Variants in DOCK3 observed in about 807,000 individuals in gnomAD.
DOCK3 encodes the protein dedicator of cytokinesis 3.
A neutral mutation model predicts 265.6 loss-of-function variants in DOCK3; 60 were observed. That is an observed-to-expected ratio of 0.23 (90% CI 0.18 to 0.28). DOCK3 has a LOEUF of 0.28. Ranked by LOEUF, DOCK3 falls within the 10% of genes least tolerant of loss-of-function variation. DOCK3 has a pLI of 1.00. For missense variants in DOCK3, 1,981 were observed against 2,594.3 expected, an observed-to-expected ratio of 0.76 and a Z score of 5.14; for synonymous variants, 881 against 938.0, an observed-to-expected ratio of 0.94 and a Z score of 1.11.
At chr3:51,077,199 T>A (rs562975885) in intron 7 of DOCK3, among the ~76,000 whole-genome samples, 14 of 152,252 alleles carry the variant, frequency 9.2e-5, no homozygotes, top group African/African-American at 3.4e-4. Context: ...TGATGATCAA[T>A]TAGATATGGA....
intron 1 of DOCK3, among the ~76,000 whole-genome samples, chr3:50,682,659 C>T (rs1441226249): frequency 2.6e-5 from 4 of 152,210 alleles, no homozygotes; most frequent in African/African-American, 4.8e-5. Context: ...CTTATTTGGG[C>T]CAGGCACAGT....
chr3:51,053,980 C>G (rs2081102468), intron 5 of DOCK3, among the ~76,000 whole-genome samples: 1 of 151,832 alleles, frequency 6.6e-6, no homozygotes. Context: ...CCTGCATGGA[C>G]TCTGCCACCT....
intron 23 of DOCK3, among the ~76,000 whole-genome samples, chr3:51,267,661 C>T (rs1452254709): frequency 6.6e-6 from 1 of 152,178 alleles, no homozygotes; most frequent in African/African-American, 2.4e-5. Context: ...GCTGGGATTA[C>T]ACGCATGAGC....
rs2045361852 is a variant in DOCK3 at position 50,834,103 on chromosome 3, T to C, written c.122-7572T>C. ...CTCTTCTGCTTGATATTCATGAACA[T>C]TTCAGCTCTCCAGGAGAGTCCTGAA... On this transcript the variant is annotated intron_variant, in intron 2 of 52. Transcript: ENST00000266037. Among the ~76,000 whole-genome samples, 4 of 151,858 alleles carry C rather than the reference T, an allele frequency of 2.6e-5. 1 individual carries two copies. In the South Asian group the frequency reaches 8.3e-4, roughly 31 times the overall value.
chr3:51,247,229 T>G (rs965595723), intron 22 of DOCK3, among the ~76,000 whole-genome samples: 1 of 152,154 alleles, frequency 6.6e-6, no homozygotes, highest in African/African-American at 2.4e-5. Context: ...AAGAGCTGAG[T>G]GGATGCACTG....
intron 9 of DOCK3, among the ~76,000 whole-genome samples, chr3:51,099,068 C>A (rs905550301): frequency 2.6e-5 from 4 of 152,176 alleles, no homozygotes; most frequent in African/African-American, 9.6e-5. Flanking sequence ...AGTTTTTCAT[C>A]AGTATATTTT....
At chr3:51,171,862 C>T (rs967168170) in intron 12 of DOCK3, among the ~76,000 whole-genome samples, 4 of 152,124 alleles carry the variant, frequency 2.6e-5, no homozygotes, top group Non-Finnish European at 5.9e-5. Flanking sequence ...CACTGTTACT[C>T]AAGTCTGCTA....
intron 5 of DOCK3, among the ~76,000 whole-genome samples, chr3:50,962,203 C>A (rs2076908779): frequency 6.6e-6 from 1 of 152,056 alleles, no homozygotes; most frequent in South Asian, 2.1e-4. Flanking sequence ...CTCCCTGTGT[C>A]CATGTGTTCT....
In DOCK3 at chr3:50,877,352, G is replaced by C. The variant is rs138617371; in HGVS notation, c.163-12674G>C. The C allele has an allele frequency of 4.6e-3, 2,226 of 487,120 alleles. 36 individuals are homozygous for C. The highest frequency in any genetic ancestry group is 0.042 in the East Asian group (753 of 17,724). 30.2% of individuals were successfully genotyped at this position (487,120 alleles called of 1,614,324 possible). On this transcript the variant is annotated intron_variant, in intron 3 of 52. Transcript: ENST00000266037. ...CCTCAGTTGAACTTCTTTCAGCATT[G>C]TACTAGTATCTTCATCATAATCCAG...
chr3:51,231,442 A>C (rs2090544434), intron 19 of DOCK3, among the ~76,000 whole-genome samples: 1 of 151,998 alleles, frequency 6.6e-6, no homozygotes, highest in Admixed American at 6.6e-5. Flanking sequence ...TTGACATTTT[A>C]ATAGTCACTC....
intron 27 of DOCK3, among the ~76,000 whole-genome samples, chr3:51,281,538 C>T (rs2081117503): frequency 1.3e-5 from 2 of 152,064 alleles, no homozygotes; most frequent in South Asian, 4.1e-4. Context: ...ATCTCTTCTT[C>T]CAGCTTGCCT....
intron 5 of DOCK3, among the ~76,000 whole-genome samples, chr3:51,002,760 C>T (rs922965760): frequency 6.6e-6 from 1 of 152,182 alleles, no homozygotes; most frequent in East Asian, 1.9e-4. Flanking sequence ...ATTCCCTTGT[C>T]ATTTTGGATA....
In DOCK3 at chr3:51,362,623, A is replaced by G. The variant is rs764399912; in HGVS notation, c.5242A>G (p.Thr1748Ala). ...CCCTTCTTCCTCCAGCCTGAGTTCC[A>G]CTCACTCAGCACCATCCCAGATGAT... is the stretch of plus-strand genomic sequence containing the variant. ...ASPSSSSLSSTHSAPSQMITS... is the reference protein window; with the variant it reads ...ASPSSSSLSSAHSAPSQMITS... Residue 1748 changes from threonine to alanine, a missense_variant, in exon 49 of 53, where the codon ACT becomes GCT. Around this residue, in one of 4 missense-constraint regions of DOCK3, gnomAD observed 1,357 missense variants for 1,866.8 expected, o/e 0.73. Transcript: ENST00000266037. 6.2e-7 allele frequency: 1 copy of G among 1,613,594 alleles called. No homozygotes were observed. Among genetic ancestry groups the G allele is most frequent in the Non-Finnish European group, 8.5e-7 (1 of 1,179,808 alleles).
chr3:50,850,573 A>G (rs1324365175), intron 3 of DOCK3, among the ~76,000 whole-genome samples: 1 of 152,194 alleles, frequency 6.6e-6, no homozygotes, highest in East Asian at 1.9e-4. Context: ...TCATGGTGCC[A>G]GAATTCTTGC....
intron 27 of DOCK3, among the ~76,000 whole-genome samples, chr3:51,283,954 TTGG>T (rs2081278074): frequency 6.6e-6 from 1 of 150,938 alleles, no homozygotes. Flanking sequence ...GTATAACTAC[TTGG>T]TGGTCTGGCT....
intron 9 of DOCK3, among the ~76,000 whole-genome samples, chr3:51,111,134 G>GA (rs1276512236): frequency 6.6e-6 from 1 of 152,108 alleles, no homozygotes; most frequent in Non-Finnish European, 1.5e-5. Context: ...GGAGGTGAGA[G>GA]ATCTCTACAA....
chr3:51,043,905 A>G (rs1005036048), intron 5 of DOCK3, among the ~76,000 whole-genome samples: 5 of 152,120 alleles, frequency 3.3e-5, no homozygotes, highest in Non-Finnish European at 5.9e-5. Flanking sequence ...AGAATGGCTA[A>G]TATTAAAAAG....
rs190266667 is a variant in DOCK3 at position 51,034,115 on chromosome 3, T to A, written c.316-30333T>A. Among the ~76,000 whole-genome samples the A allele has an allele frequency of 5.5e-3, 836 of 152,254 alleles. 4 individuals are homozygous for A. The highest frequency in any genetic ancestry group is 0.019 in the African/African-American group (781 of 41,560). On this transcript the variant is annotated intron_variant, in intron 5 of 52. Coordinates refer to ENST00000266037, the MANE Select transcript of DOCK3 (RefSeq NM_004947.5). ...TGTGAATTTATTTTGGTGCAAAAAA[T>A]TTTTAATTGATGTATAGTTTTTTCA...
In DOCK3 at chr3:51,361,851, G is replaced by T; in HGVS notation, c.5007-8G>T. The T allele has an allele frequency of 6.2e-7, 1 of 1,611,714 alleles. No homozygotes were observed. The highest frequency in any genetic ancestry group is 1.3e-5 in the African/African-American group (1 of 74,988). On this transcript the variant is annotated splice_region_variant and splice_polypyrimidine_tract_variant and intron_variant, in intron 47 of 52. Coordinates refer to ENST00000266037, the MANE Select transcript of DOCK3 (RefSeq NM_004947.5). The surrounding 1 kb of genome is among the most constrained non-coding windows in gnomAD (Gnocchi z 4.2). ...TGACTCCTCCCTATTTCCCACTCTT[G>T]CTCACAGCCCCATGAACTTGATGGG...
Sources: gnomAD v4.1 joint callset for allele counts (sites outside exome capture counted in the v4.1 genomes callset) on GRCh38, gnomAD v4.1.1 for gene constraint, gnomAD v4.1.1 regional missense constraint, Gnocchi (gnomAD v3.1) non-coding constraint, MANE v1.5 for transcripts, NCBI Gene and HGNC (gene_info 2026-07-23, HGNC 2026-07-21) for gene names.